COL21A1: variants seen among roughly 807,000 people sequenced by gnomAD.
The protein encoded by COL21A1 is collagen type XXI alpha 1 chain.
A neutral mutation model predicts 137.9 loss-of-function variants in COL21A1; 149 were observed. The ratio of observed to expected loss-of-function variants is 1.08; its 90% confidence interval spans 0.95 to 1.24. The LOEUF is 1.24. Among genes scored for constraint, COL21A1 ranks in the 50% most tolerant of loss-of-function variants. COL21A1 has a pLI of 0.00. For synonymous variants in COL21A1, 456 were observed against 391.5 expected (o/e 1.16, Z -1.95); for missense variants, 1,167 against 1,158.4 (o/e 1.01, Z -0.11).
At chr6:56,259,750 G>A (rs528844506) in intron 1 of COL21A1, among the ~76,000 whole-genome samples, 4 of 152,268 alleles carry the variant, frequency 2.6e-5, no homozygotes, top group Admixed American at 6.5e-5. Flanking sequence ...AGAAAAACAT[G>A]CACTTTTCCC....
Position 56,238,430 on chromosome 6 carries a change from T to TAAAA in COL21A1, c.-39+8953_-39+8956dup, listed in dbSNP as rs548005509. Reference sequence around the variant, plus strand: ...ATGCTGAAACTCGGGGCAGTCTTCTTAAAAAAAAAAAAAAAAAAAAAGCCT... The same window carrying TAAAA: ...ATGCTGAAACTCGGGGCAGTCTTCTTAAAAAAAAAAAAAAAAAAAAAAAAAGCCT... On this transcript the variant is annotated intron_variant, in intron 1 of 29. Transcript: ENST00000244728. 1.3e-3 allele frequency among the ~76,000 whole-genome samples: 118 copies of TAAAA among 91,498 alleles called. 2 individuals are homozygous for TAAAA. Among genetic ancestry groups the TAAAA allele is most frequent in the African/African-American group, 4.5e-3 (111 of 24,524 alleles). The allele number at this position is 91,498 out of a possible 152,430, so 60.0% of individuals were successfully genotyped here.
intron 16 of COL21A1, among the ~76,000 whole-genome samples, chr6:56,102,010 A>T (rs1770505001): frequency 6.6e-6 from 1 of 152,142 alleles, no homozygotes; most frequent in East Asian, 1.9e-4. Context: ...TTTAGTATAT[A>T]CGTATTTAAA....
At chr6:56,304,113 G>C (rs1295436314) in intron 1 of COL21A1, among the ~76,000 whole-genome samples, 1 of 152,186 alleles carries the variant, frequency 6.6e-6, no homozygotes, top group Non-Finnish European at 1.5e-5. Flanking sequence ...GCTTTTTGAC[G>C]TGCTGCTGGA....
intron 1 of COL21A1, among the ~76,000 whole-genome samples, chr6:56,298,867 T>G (rs1279045143): frequency 6.6e-6 from 1 of 152,132 alleles, no homozygotes; most frequent in African/African-American, 2.4e-5. Context: ...CTACCTGCTA[T>G]TACAAATACA....
At chr6:56,142,004 A>C in intron 10 of COL21A1, 21 bp from the exon 11 acceptor site, 4 of 1,455,518 alleles carry the variant, frequency 2.7e-6, no homozygotes, top group Non-Finnish European at 2.8e-6. Flanking sequence ...ATTTAAAAAG[A>C]AAAAAAATAA....
chr6:56,173,688 C>A (rs936059601), intron 3 of COL21A1, among the ~76,000 whole-genome samples: 1 of 151,996 alleles, frequency 6.6e-6, no homozygotes, highest in Non-Finnish European at 1.5e-5. Context: ...CAGCCAACAT[C>A]ATGATAACAA....
chr6:56,289,263 G>A (rs926148161), intron 1 of COL21A1, among the ~76,000 whole-genome samples: 1 of 152,196 alleles, frequency 6.6e-6, no homozygotes, highest in Non-Finnish European at 1.5e-5. Context: ...AAACATGTCA[G>A]CTTTCTCTCC....
intron 1 of COL21A1, among the ~76,000 whole-genome samples, chr6:56,262,016 G>C (rs1763288670): frequency 6.6e-6 from 1 of 152,200 alleles, no homozygotes; most frequent in Admixed American, 6.5e-5. Context: ...ATCTTGATAA[G>C]CTTACTGTCT....
At chr6:56,153,388 C>T (rs571822685) in intron 10 of COL21A1, among the ~76,000 whole-genome samples, 2 of 152,212 alleles carry the variant, frequency 1.3e-5, no homozygotes, top group African/African-American at 4.8e-5. Flanking sequence ...TATGGATTTT[C>T]CTCCTGAAAA....
intron 17 of COL21A1, among the ~76,000 whole-genome samples, chr6:56,099,224 ATTTTTTTTTTT>A (rs765498868): frequency 8.9e-6 from 1 of 111,998 alleles, no homozygotes; most frequent in Non-Finnish European, 1.8e-5. Context: ...CACAAACTAA[ATTTTTTTTTTT>A]TTTTTTTTTT....
chr6:56,283,153 A>T (rs1434045912), intron 1 of COL21A1, among the ~76,000 whole-genome samples: 1 of 152,156 alleles, frequency 6.6e-6, no homozygotes, highest in Non-Finnish European at 1.5e-5. Context: ...CAGTAATTCC[A>T]CTTTTAACTA....
intron 1 of COL21A1, among the ~76,000 whole-genome samples, chr6:56,281,254 G>T (rs980910482): frequency 3.3e-5 from 5 of 152,156 alleles, no homozygotes; most frequent in African/African-American, 1.2e-4. Context: ...ATATGTCTTT[G>T]AAGATCATTG....
intron 1 of COL21A1, among the ~76,000 whole-genome samples, chr6:56,224,590 C>T (rs1237774713): frequency 4.6e-5 from 7 of 151,892 alleles, no homozygotes; most frequent in Admixed American, 1.3e-4. Context: ...GAGACATAAA[C>T]GAATTTTTTA....
intron 16 of COL21A1, among the ~76,000 whole-genome samples, chr6:56,116,058 T>C (rs1281789366): frequency 6.6e-6 from 1 of 152,000 alleles, no homozygotes; most frequent in African/African-American, 2.4e-5. Context: ...CTAAGAGTTA[T>C]TGGCCTTAAA....
At chr6:56,220,338 G>C (rs1310497798) in intron 1 of COL21A1, among the ~76,000 whole-genome samples, 3 of 152,200 alleles carry the variant, frequency 2.0e-5, no homozygotes, top group Middle Eastern at 6.8e-3. Context: ...GCAAATAACT[G>C]ACACTGATTA....
At chr6:56,241,361 C>T (rs1161987559) in intron 1 of COL21A1, among the ~76,000 whole-genome samples, 2 of 152,152 alleles carry the variant, frequency 1.3e-5, no homozygotes, top group Admixed American at 6.6e-5. Context: ...ACTCTCTAGC[C>T]TCCAGAAACA....
rs1777789478 is a variant in COL21A1, at chr6:56,180,130, C to T, written c.89-1G>A. The T allele has an allele frequency of 6.9e-6, 11 of 1,596,566 alleles. No individual in the cohort carries two copies. The East Asian group carries it at 2.5e-4, about 36-fold the overall frequency. On this transcript the variant is annotated splice_acceptor_variant, in intron 2 of 29. Transcript: ENST00000244728. LOFTEE classifies it high-confidence loss of function. ...AAATCTGTCGGAGCAGTACGACAAC[C>T]TAAGTGCAAAAGAAAACCATCATAG...
At chr6:56,290,541 C>T (rs1017408665) in intron 1 of COL21A1, among the ~76,000 whole-genome samples, 2 of 136,656 alleles carry the variant, frequency 1.5e-5, no homozygotes, top group East Asian at 2.3e-4. Context: ...GCTCTGTTGC[C>T]CAGGTTAGAG....
intron 20 of COL21A1, among the ~76,000 whole-genome samples, chr6:56,071,925 A>G (rs1766792475): frequency 6.6e-6 from 1 of 151,510 alleles, no homozygotes; most frequent in African/African-American, 2.4e-5. Flanking sequence ...CTAGGTATTA[A>G]GCCCAGCATG....
Sources: gnomAD v4.1 joint callset for allele counts (sites outside exome capture counted in the v4.1 genomes callset) on GRCh38, gnomAD v4.1.1 for gene constraint, MANE v1.5 for transcripts, NCBI Gene and HGNC (gene_info 2026-07-23, HGNC 2026-07-21) for gene names.